Variants in MAPK10 observed in about 807,000 individuals in gnomAD.
MAPK10 encodes JNK3 alpha protein kinase.
Under a neutral mutation model 59.3 loss-of-function variants are expected in MAPK10, and 25 were observed. The observed-to-expected ratio is 0.42, with a 90% confidence interval of 0.31 to 0.59. The LOEUF (loss-of-function observed/expected upper bound fraction) is 0.59. Among genes scored for constraint, MAPK10 ranks in the 20% least tolerant of loss-of-function variants. The pLI, the probability that MAPK10 is intolerant of heterozygous loss-of-function variation, is 0.15. For synonymous variants in MAPK10, 190 were observed against 200.5 expected (o/e 0.95, Z 0.44); for missense variants, 351 against 568.9 (o/e 0.62, Z 3.90).
In MAPK10 at chr4:86,471,720, T is replaced by G. The variant is rs911086802; in HGVS notation, c.-262-117076A>C. Among the ~76,000 whole-genome samples, 12 of 152,324 alleles carry G rather than the reference T, an allele frequency of 7.9e-5. No individual in the cohort carries two copies. In the South Asian group the frequency reaches 1.9e-3, roughly 24 times the overall value. ...GCTTAATTAAAATGCCTGAAAGATA[T>G]TTTTTGCCTGCAGCAAAAATTGTTA... is the stretch of plus-strand genomic sequence containing the variant. On this transcript the variant is annotated intron_variant, in intron 1 of 4. Transcript: ENST00000502302.
chr4:86,436,831 T>TA (rs1338138457), intron 1 of MAPK10, among the ~76,000 whole-genome samples: 2 of 152,110 alleles, frequency 1.3e-5, no homozygotes, highest in Non-Finnish European at 2.9e-5. Flanking sequence ...GGACCTCACA[T>TA]AAAAAAATTA....
At chr4:86,474,965 G>A (rs1456735334) in intron 1 of MAPK10, among the ~76,000 whole-genome samples, 2 of 152,130 alleles carry the variant, frequency 1.3e-5, no homozygotes, top group African/African-American at 4.8e-5. Flanking sequence ...ACATTACCTT[G>A]TGAAATTCCT....
intron 1 of MAPK10, among the ~76,000 whole-genome samples, chr4:86,405,123 C>T (rs1459985154): frequency 6.6e-6 from 1 of 152,108 alleles, no homozygotes; most frequent in Non-Finnish European, 1.5e-5. Context: ...CACAGAGTTC[C>T]ATGTCTCTGA....
At chr4:86,384,148 G>A (rs184282907) in intron 1 of MAPK10, 1 of 152,296 alleles carries the variant, frequency 6.6e-6, no homozygotes, top group African/African-American at 2.4e-5. Flanking sequence ...AATCTAGAAA[G>A]TAGCTTTGAT....
At chr4:86,460,879 A>G (rs930677754) in intron 1 of MAPK10, among the ~76,000 whole-genome samples, 3 of 152,228 alleles carry the variant, frequency 2.0e-5, no homozygotes, top group Admixed American at 1.3e-4. Context: ...CTTACTGTCA[A>G]TAAATATGTG....
At chr4:86,107,469 A>G in intron 4 of MAPK10, 117 bp from the exon 5 acceptor site, 1 of 1,403,904 alleles carries the variant, frequency 7.1e-7, no homozygotes, top group Non-Finnish European at 9.3e-7. Flanking sequence ...GATACTGTCT[A>G]CTCTGGTCAC....
At chr4:86,095,160 T>G (rs190581063) in intron 9 of MAPK10, 2 of 151,772 alleles carry the variant, frequency 1.3e-5, no homozygotes, top group Non-Finnish European at 3.0e-5. Context: ...CAATTTTATT[T>G]TGCCAACATT....
intron 2 of MAPK10, among the ~76,000 whole-genome samples, chr4:86,273,015 C>T (rs1039957075): frequency 2.0e-5 from 3 of 151,952 alleles, no homozygotes; most frequent in African/African-American, 7.3e-5. Flanking sequence ...AATAAATATA[C>T]CACAATGCTG....
intron 1 of MAPK10, among the ~76,000 whole-genome samples, chr4:86,586,839 T>C (rs1385705195): frequency 6.6e-6 from 1 of 152,172 alleles, no homozygotes; most frequent in East Asian, 1.9e-4. Flanking sequence ...AGAAGTTCAT[T>C]TGCAAAGAAA....
intron 2 of MAPK10, among the ~76,000 whole-genome samples, chr4:86,220,963 T>C (rs2148639871): frequency 6.6e-6 from 1 of 152,294 alleles, no homozygotes; most frequent in South Asian, 2.1e-4. Context: ...TTATTTTTAT[T>C]TTCTGTATCA....
At chr4:86,343,277 C>T (rs1368134812) in intron 2 of MAPK10, among the ~76,000 whole-genome samples, 1 of 152,188 alleles carries the variant, frequency 6.6e-6, no homozygotes, top group Non-Finnish European at 1.5e-5. Context: ...ACACTCACCA[C>T]ATTCTACCTA....
intron 1 of MAPK10, among the ~76,000 whole-genome samples, chr4:86,388,680 T>C (rs1741815628): frequency 6.6e-6 from 1 of 152,158 alleles, no homozygotes; most frequent in Admixed American, 6.5e-5. Flanking sequence ...ATTGAATCCA[T>C]GTAAAAATGA....
chr4:86,149,265 T>TTTAC (rs1161200860), intron 4 of MAPK10, among the ~76,000 whole-genome samples: 1 of 152,030 alleles, frequency 6.6e-6, no homozygotes, highest in Non-Finnish European at 1.5e-5. Context: ...ATTTTATTTG[T>TTTAC]TTATTTATTT....
At chr4:86,445,442 A>G (rs138230469) in intron 1 of MAPK10, among the ~76,000 whole-genome samples, 5 of 152,322 alleles carry the variant, frequency 3.3e-5, no homozygotes, top group Non-Finnish European at 7.3e-5. Flanking sequence ...TAGCAGGAAA[A>G]ATAGCTAATG....
chr4:86,216,295 C>CATATATATATATATATATAT (rs10639041), intron 2 of MAPK10, among the ~76,000 whole-genome samples: 5 of 131,162 alleles, frequency 3.8e-5, no homozygotes, highest in African/African-American at 1.6e-4. Context: ...ATATATATAG[C>CATATATATATATATATATAT]ATATATATAT....
chr4:86,094,937 T>A (rs1030494253), intron 9 of MAPK10, among the ~76,000 whole-genome samples: 20 of 151,886 alleles, frequency 1.3e-4, no homozygotes, highest in African/African-American at 2.4e-4. Context: ...TGAATGTGCA[T>A]TATAATGTTC....
chr4:86,449,567 ATACTAAGTATGGTG>A (rs1482229288), intron 1 of MAPK10, among the ~76,000 whole-genome samples: 1 of 152,210 alleles, frequency 6.6e-6, no homozygotes, highest in East Asian at 1.9e-4. Context: ...GGTTTTGGGT[ATACTAAGTATGGTG>A]TACCCATCCT....
intron 1 of MAPK10, among the ~76,000 whole-genome samples, chr4:86,509,482 A>G (rs531431798): frequency 6.6e-6 from 1 of 152,020 alleles, no homozygotes; most frequent in South Asian, 2.1e-4. Context: ...AACAAACAAA[A>G]AAAAACCTGC....
chr4:86,549,622 A>T (rs1262185565), intron 1 of MAPK10, among the ~76,000 whole-genome samples: 1 of 152,218 alleles, frequency 6.6e-6, no homozygotes, highest in Non-Finnish European at 1.5e-5. Flanking sequence ...ACTACTGTAG[A>T]CTTTATAAAC....
Sources: allele counts gnomAD v4.1 joint callset (sites outside exome capture counted in the v4.1 genomes callset), GRCh38; gene constraint gnomAD v4.1.1; transcripts MANE v1.5; gene names NCBI Gene and HGNC (gene_info 2026-07-23, HGNC 2026-07-21).